ABCF1: variants seen among roughly 807,000 people sequenced by gnomAD.
The protein encoded by ABCF1 is ATP binding cassette subfamily F member 1.
Under a neutral mutation model 126.3 loss-of-function variants are expected in ABCF1, and 73 were observed. The ratio of observed to expected loss-of-function variants is 0.58; its 90% CI spans 0.48 to 0.70. The LOEUF is 0.70. Among genes scored for constraint, ABCF1 ranks in the 30% least tolerant of loss-of-function variants. ABCF1 has a pLI of 0.00. For missense variants in ABCF1, 786 were observed against 1,057.5 expected (o/e 0.74, Z 3.56); for synonymous variants, 345 against 396.4 (o/e 0.87, Z 1.54).
chr6:30,582,548 T>A, intron 9 of ABCF1, 41 bp downstream of exon 9: 1 of 1,602,442 alleles, frequency 6.2e-7, no homozygotes, highest in South Asian at 1.1e-5. Context: ...AGGGGATTTT[T>A]AAATACTTCA....
chr6:30,577,095 A>G lies in ABCF1; in HGVS notation c.74-314A>G, dbSNP rs760026870. Among the ~76,000 whole-genome samples the G allele has an allele frequency of 3.3e-5, 5 of 152,220 alleles. 1 individual carries two copies. The highest frequency in any genetic ancestry group is 3.3e-4 in the Admixed American group (5 of 15,270). On this transcript the variant is annotated intron_variant, in intron 1 of 24. Coordinates refer to ENST00000326195, the MANE Select transcript of ABCF1 (RefSeq NM_001025091.2). ...ACCTTCAGTACACCTGGAATTACCT[A>G]TTTAAAAATCTCTCTTCCTATAGCC...
In ABCF1 at chr6:30,584,338, G is replaced by A. The variant is rs781247118; in HGVS notation, c.1242+7G>A. 6.2e-7 allele frequency: 1 copy of A among 1,613,114 alleles called. No homozygotes were observed. The highest frequency in any genetic ancestry group is 8.5e-7 in the Non-Finnish European group (1 of 1,180,026). On this transcript the variant is annotated splice_region_variant and intron_variant, in intron 13 of 24. Coordinates refer to ENST00000326195, the MANE Select transcript of ABCF1 (RefSeq NM_001025091.2). This position sits in a 1 kb window ranked among gnomAD's most constrained non-coding sequence, Gnocchi z 4.6. ...TGCTGAGAGGCTAGAGAAGGTAGAG[G>A]AGATGGCGCAGGGGACACGGGCAAA...
rs769788104 is a variant in ABCF1 at position 30,586,541 on chromosome 6, T to C, written c.1953T>C (p.Asp651=). 3 of 1,613,346 alleles carry C rather than the reference T, an allele frequency of 1.9e-6. No individual in the cohort carries two copies. The highest frequency in any genetic ancestry group is 2.5e-6 in the Non-Finnish European group (3 of 1,180,036). ...FKNLDFGIDM[D]SRICIVGPNG... ...ACTTGGATTTTGGCATCGACATGGA[T>C]TCAAGGAGTGAGTTGGCGGGGTTGC... The change falls in exon 19 of 25, where the codon GAT becomes GAC. Residue 651 remains aspartate, a synonymous_variant. Transcript: ENST00000326195. The surrounding 1 kb of genome is among the most constrained non-coding windows in gnomAD (Gnocchi z 4.9).
intron 1 of ABCF1, among the ~76,000 whole-genome samples, chr6:30,572,708 C>T (rs1354564049): frequency 6.6e-6 from 1 of 152,244 alleles, no homozygotes; most frequent in Middle Eastern, 3.4e-3. Context: ...GCTATGTTGC[C>T]TAGGCTGGTC....
intron 6 of ABCF1, among the ~76,000 whole-genome samples, chr6:30,579,707 T>C (rs898527749): frequency 2.6e-5 from 4 of 151,950 alleles, no homozygotes; most frequent in African/African-American, 9.7e-5. Flanking sequence ...CCACCTGCCT[T>C]GGCCTCCCAA....
chr6:30,586,106 G>A lies in ABCF1; in HGVS notation c.1714-28G>A. 6.2e-7 allele frequency: 1 copy of A among 1,607,076 alleles called. No individual in the cohort carries two copies. The highest frequency in any genetic ancestry group is 1.3e-5 in the African/African-American group (1 of 74,338). On this transcript the variant is annotated intron_variant, in intron 17 of 24. Transcript: ENST00000326195. The surrounding 1 kb of genome is among the most constrained non-coding windows in gnomAD (Gnocchi z 4.9). ...TCAAGGACTGCCGCGCAGGGCTCAG[G>A]TTTCTCTTTTTTCCTCTTCCTCTCC... is the stretch of plus-strand genomic sequence containing the variant.
intron 1 of ABCF1, among the ~76,000 whole-genome samples, chr6:30,575,002 T>G (rs150695064): frequency 0.016 from 2,392 of 152,150 alleles, 34 homozygotes; most frequent in African/African-American, 0.033. Flanking sequence ...ATGATTACTT[T>G]GAAATACATG....
chr6:30,586,711 G>C lies in ABCF1; in HGVS notation c.2031G>C (p.Pro677=), dbSNP rs757127378. ...TGCTGCTGACTGGCAAGCTGACACC[G>C]GTGAGTCCTGGAGCCAAGGAGGGAG... The part of the protein sequence containing the change: ...LLLLLTGKLT[P]THGEMRKNHR... Residue 677 remains proline, a splice_region_variant and synonymous_variant, in exon 20 of 25, where the codon CCG becomes CCC. Coordinates refer to ENST00000326195, the MANE Select transcript of ABCF1 (RefSeq NM_001025091.2). This position sits in a 1 kb window ranked among gnomAD's most constrained non-coding sequence, Gnocchi z 4.9. 4 of 1,613,724 alleles carry C rather than the reference G, an allele frequency of 2.5e-6. No homozygotes were observed. The highest frequency in any genetic ancestry group is 2.5e-6 in the Non-Finnish European group (3 of 1,180,018).
intron 1 of ABCF1, among the ~76,000 whole-genome samples, chr6:30,572,921 A>G (rs1801327282): frequency 6.6e-6 from 1 of 152,218 alleles, no homozygotes; most frequent in South Asian, 2.1e-4. Flanking sequence ...GAGCCTGGTG[A>G]CTAGTGTGAT....
intron 1 of ABCF1, among the ~76,000 whole-genome samples, chr6:30,573,163 A>T (rs192509634): frequency 3.4e-4 from 52 of 152,314 alleles, no homozygotes; most frequent in African/African-American, 1.1e-3. Flanking sequence ...AGAAGTGGTA[A>T]GGGGATAAGC....
rs750224680 is a variant in ABCF1, at chr6:30,583,232, G to A, written c.915+44G>A. On this transcript the variant is annotated intron_variant, in intron 10 of 24. Coordinates refer to ENST00000326195, the MANE Select transcript of ABCF1 (RefSeq NM_001025091.2). This position sits in a 1 kb window ranked among gnomAD's most constrained non-coding sequence, Gnocchi z 4.1. ...CCTTCCAGTCCACTTACCTAGGGAA[G>A]AGCCAGTTCTCTCATCTTCCCTGAG... 6.4e-7 allele frequency: 1 copy of A among 1,573,220 alleles called. No homozygotes were observed.
chr6:30,575,289 C>T (rs999769526), intron 1 of ABCF1, among the ~76,000 whole-genome samples: 1 of 151,860 alleles, frequency 6.6e-6, no homozygotes, highest in Non-Finnish European at 1.5e-5. Context: ...AAGCTGGTCT[C>T]AATCTCCTGA....
In ABCF1 at chr6:30,591,295, G is replaced by C. The variant is rs190077284; in HGVS notation, c.*594G>C. The stretch of plus-strand genomic sequence containing the variant: ...CCCTTTACAAGGGGAAGAAATAAAG[G>C]AAAGGAGTTGCTGCCGACCTGTCAC... On this transcript the variant is annotated 3_prime_UTR_variant, in exon 25 of 25. Transcript: ENST00000326195. The C allele has an allele frequency of 1.1e-4, 17 of 152,484 alleles. No individual in the cohort carries two copies. The East Asian group carries it at 3.3e-3, about 29-fold the overall frequency. 9.4% of individuals were successfully genotyped at this position (152,484 alleles called of 1,614,324 possible). A position where few individuals can be genotyped will look rare whatever the true frequency, so the allele number is the denominator to read the frequency against.
At chr6:30,582,221 T>G (rs1226351329) in intron 8 of ABCF1, among the ~76,000 whole-genome samples, 173 bp from the exon 9 acceptor site, 1 of 152,046 alleles carries the variant, frequency 6.6e-6, no homozygotes, top group Non-Finnish European at 1.5e-5. Context: ...CACGTCCGGC[T>G]AATTTTTTGT....
Position 30,586,463 on chromosome 6 carries a change from G to T in ABCF1, c.1886-11G>T. The T allele has an allele frequency of 1.2e-6, 2 of 1,613,756 alleles. No homozygotes were observed. The highest frequency in any genetic ancestry group is 1.7e-6 in the Non-Finnish European group (2 of 1,179,994). ...AAAAGAATATAAATTGCTTCTTTTC[G>T]TGGCTTTCAGGTGTGACATTCGGCT... On this transcript the variant is annotated splice_polypyrimidine_tract_variant and intron_variant, in intron 18 of 24. Transcript: ENST00000326195. The surrounding 1 kb of genome is among the most constrained non-coding windows in gnomAD (Gnocchi z 4.9).
At position 30,580,432 on chromosome 6, in the gene ABCF1, C is replaced by T; in HGVS notation, c.591C>T (p.Asp197=). The T allele has an allele frequency of 6.5e-7, 1 of 1,537,908 alleles. No individual in the cohort carries two copies. Among genetic ancestry groups the T allele is most frequent in the Non-Finnish European group, 8.7e-7 (1 of 1,155,642 alleles). ...AKPQNKFAAL[D]NEEEDKEEEI... is the part of the protein sequence containing the mutation. ...CTCAAAATAAATTCGCTGCTCTGGACAATGAAGAGGAGGATAAAGAAGAAG... is the reference window on the plus strand; with the variant it reads ...CTCAAAATAAATTCGCTGCTCTGGATAATGAAGAGGAGGATAAAGAAGAAG... The change falls in exon 8 of 25, where the codon GAC becomes GAT. Residue 197 remains aspartate (D), a synonymous_variant. Transcript: ENST00000326195.
intron 1 of ABCF1, among the ~76,000 whole-genome samples, chr6:30,573,114 G>A (rs775075808): frequency 6.6e-6 from 1 of 152,184 alleles, no homozygotes; most frequent in Non-Finnish European, 1.5e-5. Context: ...AGATGGAGGC[G>A]GGGAGACCAT....
chr6:30,580,775 C>A (rs1015857943), intron 8 of ABCF1, among the ~76,000 whole-genome samples: 5 of 151,970 alleles, frequency 3.3e-5, no homozygotes, highest in Admixed American at 3.3e-4. Flanking sequence ...CTGGGCTCAA[C>A]AGATTCTCCT....
rs779626964 is a variant in ABCF1 at position 30,571,466 on chromosome 6, A to G, written c.-22A>G. On this transcript the variant is annotated 5_prime_UTR_variant, in exon 1 of 25. Coordinates refer to ENST00000326195, the MANE Select transcript of ABCF1 (RefSeq NM_001025091.2). ...CGGAAATAGCACCGGGCGCCGCCAC[A>G]GTAGCTGTAACTGCCACCGCGATGC... 1.2e-6 allele frequency: 2 copies of G among 1,604,408 alleles called. No homozygotes were observed. The highest frequency in any genetic ancestry group is 1.1e-5 in the South Asian group (1 of 89,724).
Sources: gnomAD v4.1 joint callset for allele counts (sites outside exome capture counted in the v4.1 genomes callset) on GRCh38, gnomAD v4.1.1 for gene constraint, Gnocchi (gnomAD v3.1) non-coding constraint, MANE v1.5 for transcripts, NCBI Gene and HGNC (gene_info 2026-07-23, HGNC 2026-07-21) for gene names.